EML4: variants seen among roughly 807,000 people sequenced by gnomAD.
EML4 encodes EMAP like 4.
EML4 carries 72 observed loss-of-function variants against 129.0 expected under a neutral mutation model. That is an observed-to-expected ratio of 0.56 (90% CI 0.46 to 0.68). The LOEUF is 0.68. EML4 is among the 30% of genes least tolerant of loss of function. The pLI is 0.00. For synonymous variants in EML4, 532 were observed against 405.0 expected (o/e 1.31, Z -3.77); for missense variants, 1,363 against 1,190.6 (o/e 1.14, Z -2.13).
chr2:42,280,046 G>A (rs1232747115), intron 6 of EML4, among the ~76,000 whole-genome samples: 5 of 151,832 alleles, frequency 3.3e-5, no homozygotes, highest in African/African-American at 4.8e-5. Context: ...ATTTTCTCCC[G>A]TTCTGTAGGT....
chr2:42,319,307 G>A (rs1669402860), intron 19 of EML4, among the ~76,000 whole-genome samples: 1 of 152,152 alleles, frequency 6.6e-6, no homozygotes, highest in African/African-American at 2.4e-5. Flanking sequence ...AGCAATGTGT[G>A]ACATGGAATA....
At chr2:42,270,169 T>C (rs1249433972) in intron 6 of EML4, among the ~76,000 whole-genome samples, 1 of 152,212 alleles carries the variant, frequency 6.6e-6, no homozygotes, top group Non-Finnish European at 1.5e-5. Flanking sequence ...TTTTGGTAAC[T>C]TTCTGAAAGC....
chr2:42,282,446 TG>T (rs1667065477), intron 7 of EML4, among the ~76,000 whole-genome samples: 1 of 152,114 alleles, frequency 6.6e-6, no homozygotes, highest in Non-Finnish European at 1.5e-5. Flanking sequence ...TGGAGTGCAG[TG>T]GCACGATCAC....
At chr2:42,308,227 G>A (rs1442807686) in intron 17 of EML4, among the ~76,000 whole-genome samples, 1 of 152,160 alleles carries the variant, frequency 6.6e-6, no homozygotes, top group Non-Finnish European at 1.5e-5. Context: ...ATGCTGCAGG[G>A]CACAGTGGCT....
chr2:42,267,330 A>G (rs1462711719), intron 6 of EML4, among the ~76,000 whole-genome samples: 1 of 152,228 alleles, frequency 6.6e-6, no homozygotes, highest in African/African-American at 2.4e-5. Context: ...TAAGTTGTAT[A>G]GCTATTTTAG....
intron 11 of EML4, among the ~76,000 whole-genome samples, chr2:42,293,120 T>C (rs1046913698): frequency 2.0e-5 from 3 of 152,158 alleles, no homozygotes; most frequent in Non-Finnish European, 4.4e-5. Context: ...TTTTTTTTTT[T>C]CTTTTTTTGG....
Position 42,310,930 on chromosome 2 carries a change from T to A in EML4, c.1968-5032T>A, listed in dbSNP as rs534547751. ...AAAAGGGGTGAGAACTCCAAAATTA[T>A]ATATGGAAGTTGTATATCTTTAATA... On this transcript the variant is annotated intron_variant, in intron 17 of 22. Coordinates refer to ENST00000318522, the MANE Select transcript of EML4 (RefSeq NM_019063.5). Among the ~76,000 whole-genome samples the A allele has an allele frequency of 2.0e-5, 3 of 152,312 alleles. No individual in the cohort carries two copies. In the South Asian group the frequency reaches 6.2e-4, roughly 32 times the overall value.
chr2:42,233,509 A>G (rs908254901), intron 1 of EML4, among the ~76,000 whole-genome samples: 4 of 151,494 alleles, frequency 2.6e-5, no homozygotes, highest in South Asian at 2.1e-4. Flanking sequence ...GGGTTTCACC[A>G]TGTTAGCCAG....
chr2:42,203,484 AAC>A (rs1214659656), intron 1 of EML4, among the ~76,000 whole-genome samples: 1 of 152,204 alleles, frequency 6.6e-6, no homozygotes, highest in Non-Finnish European at 1.5e-5. Context: ...TTATTAATAT[AAC>A]AAAGTTCACA....
At chr2:42,200,012 T>G (rs560697040) in intron 1 of EML4, among the ~76,000 whole-genome samples, 5 of 152,044 alleles carry the variant, frequency 3.3e-5, no homozygotes, top group Admixed American at 1.3e-4. Context: ...TTGCTGAGAT[T>G]TAGAATAGAA....
intron 1 of EML4, among the ~76,000 whole-genome samples, chr2:42,184,552 C>G (rs1671136076): frequency 6.6e-6 from 1 of 152,110 alleles, no homozygotes; most frequent in African/African-American, 2.4e-5. Context: ...CTTACTGCGC[C>G]CCCTACATGG....
intron 17 of EML4, among the ~76,000 whole-genome samples, chr2:42,309,697 T>G (rs767261776): frequency 5.9e-5 from 9 of 152,194 alleles, no homozygotes; most frequent in Non-Finnish European, 1.2e-4. Context: ...ATATCCTCTT[T>G]AGAGAAATGT....
intron 2 of EML4, among the ~76,000 whole-genome samples, chr2:42,254,785 G>A (rs541325524): frequency 1.4e-4 from 22 of 152,058 alleles, no homozygotes; most frequent in Non-Finnish European, 2.6e-4. Context: ...CCGCTCCTAG[G>A]TATATACTCA....
intron 17 of EML4, among the ~76,000 whole-genome samples, chr2:42,308,184 C>T (rs1668724434): frequency 6.6e-6 from 1 of 152,074 alleles, no homozygotes. Flanking sequence ...AACATATAAC[C>T]TTAAGTGGAC....
intron 5 of EML4, among the ~76,000 whole-genome samples, chr2:42,264,103 G>GTTTTTTTTTTTTTTTTTT (rs9309080): frequency 2.0e-5 from 2 of 100,748 alleles, no homozygotes; most frequent in Non-Finnish European, 2.0e-5. Flanking sequence ...AACAATACGT[G>GTTTTTTTTTTTTTTTTTT]TTTTTTTTTT....
intron 1 of EML4, among the ~76,000 whole-genome samples, chr2:42,191,778 T>TGC (rs1671596435): frequency 1.3e-5 from 2 of 152,242 alleles, no homozygotes; most frequent in East Asian, 3.8e-4. Context: ...TCCCTAGTTT[T>TGC]GCCGGGCGTG....
At chr2:42,294,680 G>C (rs1449151433) in intron 11 of EML4, among the ~76,000 whole-genome samples, 1 of 151,448 alleles carries the variant, frequency 6.6e-6, no homozygotes, top group African/African-American at 2.4e-5. Context: ...CTGGGTGACA[G>C]AGCAAGACTG....
At chr2:42,284,843 A>G in intron 9 of EML4, 140 bp downstream of exon 9, 1 of 528,146 alleles carries the variant, frequency 1.9e-6, no homozygotes, top group South Asian at 5.0e-5. Context: ...AGCATGGAAA[A>G]AACATTAGGA....
chr2:42,293,512 GA>G (rs1469582367), intron 11 of EML4, among the ~76,000 whole-genome samples: 1 of 151,566 alleles, frequency 6.6e-6, no homozygotes, highest in East Asian at 1.9e-4. Context: ...AACTGTGAGG[GA>G]AAAAAAAGAA....
Sources: allele counts gnomAD v4.1 joint callset (sites outside exome capture counted in the v4.1 genomes callset), GRCh38; gene constraint gnomAD v4.1.1; transcripts MANE v1.5; gene names NCBI Gene and HGNC (gene_info 2026-07-23, HGNC 2026-07-21).